The following RPRD2 variants were observed in gnomAD, a reference collection of about 807,000 sequenced individuals.
The protein encoded by RPRD2 is regulation of nuclear pre-mRNA domain containing 2.
In RPRD2, 12 loss-of-function variants were observed where a neutral mutation model predicts 104.4. The ratio of observed to expected loss-of-function variants is 0.11; its 90% confidence interval spans 0.07 to 0.19. The LOEUF (loss-of-function observed/expected upper bound fraction) is 0.19, where lower values mean the gene tolerates loss of function less well. RPRD2 is among the 10% of genes least tolerant of loss of function. RPRD2 has a pLI of 1.00. For synonymous variants in RPRD2, 714 were observed against 684.9 expected (o/e 1.04, Z -0.66); for missense variants, 1,543 against 1,790.1 (o/e 0.86, Z 2.49).
chr1:150,406,651 G>A (rs1663498837), intron 1 of RPRD2, among the ~76,000 whole-genome samples: 1 of 152,076 alleles, frequency 6.6e-6, no homozygotes, highest in Non-Finnish European at 1.5e-5. Context: ...CTCCTGCCTA[G>A]GCCTCCAAAA....
intron 1 of RPRD2, among the ~76,000 whole-genome samples, chr1:150,388,107 G>A (rs1261881690): frequency 4.0e-5 from 6 of 151,066 alleles, no homozygotes; most frequent in South Asian, 2.1e-4. Context: ...TTGTAGAGAC[G>A]GGGTCTCACT....
intron 1 of RPRD2, among the ~76,000 whole-genome samples, chr1:150,404,546 G>T (rs1553886106): frequency 6.6e-6 from 1 of 152,050 alleles, no homozygotes; most frequent in Non-Finnish European, 1.5e-5. Flanking sequence ...CACCACACCT[G>T]GCCTAAGAAG....
At chr1:150,380,998 A>G (rs1341892894) in intron 1 of RPRD2, among the ~76,000 whole-genome samples, 1 of 151,862 alleles carries the variant, frequency 6.6e-6, no homozygotes. Flanking sequence ...TGCCTTGTTT[A>G]TTTATTTGCT....
At chr1:150,430,868 G>A (rs1224484424) in intron 2 of RPRD2, among the ~76,000 whole-genome samples, 5 of 151,886 alleles carry the variant, frequency 3.3e-5, no homozygotes, top group Non-Finnish European at 5.9e-5. Context: ...TGGAGGTTGC[G>A]GTGAGCTGAG....
chr1:150,395,848 G>A (rs961751608), intron 1 of RPRD2, among the ~76,000 whole-genome samples: 3 of 152,160 alleles, frequency 2.0e-5, no homozygotes, highest in Admixed American at 2.0e-4. Flanking sequence ...TTTCCTCTGG[G>A]TAGATACTCA....
At position 150,369,623 on chromosome 1, in the gene RPRD2, A is replaced by ATTTTTTTTTTTTTT. The variant is rs61016870; in HGVS notation, c.205+4710_205+4723dup. Reference sequence around the variant, plus strand: ...AGGCGCCCGTCACCGCGCCCAGCTAATTTTTTTTTTTTTTTTTTTGTATTT... The same window carrying ATTTTTTTTTTTTTT: ...AGGCGCCCGTCACCGCGCCCAGCTAATTTTTTTTTTTTTTTTTTTTTTTTTTTTTTTTTGTATTT... On this transcript the variant is annotated intron_variant, in intron 1 of 10. Coordinates refer to ENST00000369068, the MANE Select transcript of RPRD2 (RefSeq NM_015203.5). 8.1e-4 allele frequency among the ~76,000 whole-genome samples: 56 copies of ATTTTTTTTTTTTTT among 68,862 alleles called. 1 individual carries two copies. The highest frequency in any genetic ancestry group is 1.4e-3 in the Non-Finnish European group (48 of 33,508). The allele number at this position is 68,862 out of a possible 152,430, so 45.2% of individuals were successfully genotyped here.
chr1:150,449,755 G>A (rs1667029074), intron 7 of RPRD2, among the ~76,000 whole-genome samples: 1 of 152,092 alleles, frequency 6.6e-6, no homozygotes. Flanking sequence ...ATGAGTCAGG[G>A]GGTGCAGAGA....
intron 2 of RPRD2, among the ~76,000 whole-genome samples, chr1:150,439,186 A>T (rs587667908): frequency 6.6e-6 from 1 of 152,182 alleles, no homozygotes; most frequent in Non-Finnish European, 1.5e-5. Context: ...AGAAAAATCC[A>T]CTCACTTTCA....
chr1:150,473,513 T>G lies in RPRD2; in HGVS notation c.*179T>G. ...TACGTTTTACTATTCAATTCAATCC[T>G]CCCTCCCATTGCACTTATCTACCTT... On this transcript the variant is annotated 3_prime_UTR_variant, in exon 11 of 11. Transcript: ENST00000369068. 2 of 207,364 alleles carry G rather than the reference T, an allele frequency of 9.6e-6. No homozygotes were observed. Among genetic ancestry groups the G allele is most frequent in the Non-Finnish European group, 8.8e-6 (1 of 114,110 alleles). The allele number at this position is 207,364 out of a possible 1,614,324, so 12.8% of individuals were successfully genotyped here.
At position 150,470,936 on chromosome 1, in the gene RPRD2, C is replaced by A; in HGVS notation, c.1988C>A (p.Ser663Tyr). The A allele has an allele frequency of 9.3e-6, 15 of 1,614,042 alleles. No homozygotes were observed. The highest frequency in any genetic ancestry group is 1.3e-5 in the Non-Finnish European group (15 of 1,179,906). Residue 663 changes from serine (S) to tyrosine (Y), a missense_variant, in exon 11 of 11, where the codon TCC becomes TAC. Coordinates refer to ENST00000369068, the MANE Select transcript of RPRD2 (RefSeq NM_015203.5). ...TCCAAGCCAAAGCTGGAGTCAGAGT[C>A]CACCTCCCCAAGCCTGGAAATGAAG... Reference protein sequence around the residue: ...EVSKPKLESESTSPSLEMKIH... With the variant: ...EVSKPKLESEYTSPSLEMKIH...
chr1:150,444,703 A>C (rs1666640550), intron 6 of RPRD2, among the ~76,000 whole-genome samples: 1 of 152,154 alleles, frequency 6.6e-6, no homozygotes, highest in Admixed American at 6.5e-5. Flanking sequence ...TTGCATTGTA[A>C]ATTGTAAATC....
At chr1:150,459,178 A>C (rs781999601) in intron 8 of RPRD2, among the ~76,000 whole-genome samples, 4 of 152,208 alleles carry the variant, frequency 2.6e-5, no homozygotes, top group Non-Finnish European at 4.4e-5. Flanking sequence ...CCCAGCCTTC[A>C]TAAATCTTAT....
chr1:150,457,298 C>T lies in RPRD2; in HGVS notation c.881C>T (p.Thr294Ile). The change falls in exon 8 of 11, where the codon ACC becomes ATC. Residue 294 changes from threonine (T) to isoleucine (I), a missense_variant. Coordinates refer to ENST00000369068, the MANE Select transcript of RPRD2 (RefSeq NM_015203.5). ...TTTTTTCTCTTTTAGGCATATAAAA[C>T]CTTTGCTAACCGAGTAAACAATTTA... ...EVKVVANAYK[T>I]FANRVNNLKK... is the part of the protein sequence containing the mutation. The T allele has an allele frequency of 6.2e-7, 1 of 1,610,264 alleles. No homozygotes were observed. Among genetic ancestry groups the T allele is most frequent in the Non-Finnish European group, 8.5e-7 (1 of 1,176,712 alleles).
chr1:150,420,102 A>G (rs1183711386), intron 2 of RPRD2, among the ~76,000 whole-genome samples: 5 of 152,206 alleles, frequency 3.3e-5, no homozygotes, highest in Admixed American at 1.3e-4. Flanking sequence ...CTTTATGTAT[A>G]AAACCCAGTA....
rs770175052 is a variant in RPRD2, at chr1:150,472,651, C to T, written c.3703C>T (p.Leu1235=). 4 of 1,613,802 alleles carry T rather than the reference C, an allele frequency of 2.5e-6. No homozygotes were observed. Among genetic ancestry groups the T allele is most frequent in the African/African-American group, 1.3e-5 (1 of 74,920 alleles). The change falls in exon 11 of 11, where the codon CTA becomes TTA. Residue 1235 remains leucine, a synonymous_variant. Coordinates refer to ENST00000369068, the MANE Select transcript of RPRD2 (RefSeq NM_015203.5). ...CTTCTCTCGAGATGCACCCACTCAT[C>T]TACCCTCTGTGGATCTTTCGAACCC... is the stretch of plus-strand genomic sequence containing the variant. ...GIFSRDAPTH[L]PSVDLSNPFT... is the part of the protein sequence containing the mutation.
At chr1:150,367,226 C>G (rs1267230837) in intron 1 of RPRD2, among the ~76,000 whole-genome samples, 1 of 152,180 alleles carries the variant, frequency 6.6e-6, no homozygotes, top group Non-Finnish European at 1.5e-5. Flanking sequence ...ATGAACTTCA[C>G]TGGTCTCATT....
chr1:150,471,258 A>G lies in RPRD2; in HGVS notation c.2310A>G (p.Pro770=). Residue 770 remains proline (P), a synonymous_variant, in exon 11 of 11, where the codon CCA becomes CCG. Coordinates refer to ENST00000369068, the MANE Select transcript of RPRD2 (RefSeq NM_015203.5). The surrounding 1 kb of genome is among the most constrained non-coding windows in gnomAD (Gnocchi z 5.3). ...CAACACCCAGCAGTACAAGATCACC[A>G]CCCCCTGGGAGAGATGAAAGCTACC... The part of the protein sequence containing the change: ...GSSTPSSTRS[P]PPGRDESYPR... The G allele has an allele frequency of 6.2e-7, 1 of 1,612,956 alleles. No individual in the cohort carries two copies. Among genetic ancestry groups the G allele is most frequent in the African/African-American group, 1.3e-5 (1 of 74,680 alleles).
chr1:150,384,639 T>G (rs1036588038), intron 1 of RPRD2, among the ~76,000 whole-genome samples: 1 of 133,352 alleles, frequency 7.5e-6, no homozygotes, highest in Non-Finnish European at 1.6e-5. Flanking sequence ...CCTGGCTAAT[T>G]TGTGTGTGTG....
chr1:150,455,314 C>T (rs4926437), intron 7 of RPRD2, among the ~76,000 whole-genome samples: 45,296 of 151,920 alleles, frequency 0.3, 8,198 homozygotes, highest in Non-Finnish European at 0.4. Flanking sequence ...CCAGCCTGGA[C>T]AACATGGTGA....
Sources: gnomAD v4.1 joint callset for allele counts (sites outside exome capture counted in the v4.1 genomes callset) on GRCh38, gnomAD v4.1.1 for gene constraint, Gnocchi (gnomAD v3.1) non-coding constraint, MANE v1.5 for transcripts, NCBI Gene and HGNC (gene_info 2026-07-23, HGNC 2026-07-21) for gene names.